The following PDCD6 variants were observed in gnomAD, a reference collection of about 807,000 sequenced individuals.
PDCD6 encodes programmed cell death 6.
Under a neutral mutation model 28.3 loss-of-function variants are expected in PDCD6, and 12 were observed. The ratio of observed to expected loss-of-function variants is 0.42; its 90% CI spans 0.27 to 0.69. PDCD6 has a LOEUF of 0.69. Ranked by LOEUF, PDCD6 falls within the 30% of genes least tolerant of loss-of-function variation. The probability of loss-of-function intolerance (pLI) is 0.22; values close to 1 mark genes in which losing one functional copy is unlikely to be tolerated. For synonymous variants in PDCD6, 92 were observed against 108.0 expected (o/e 0.85, Z 0.92); for missense variants, 226 against 269.9 (o/e 0.84, Z 1.14).
intron 2 of PDCD6, among the ~76,000 whole-genome samples, chr5:279,795 A>AC (rs1391703745): frequency 2.0e-5 from 3 of 148,298 alleles, no homozygotes; most frequent in Non-Finnish European, 2.9e-5. Context: ...AAAAAAAAAA[A>AC]AAAAAAAAAA....
intron 2 of PDCD6, chr5:290,052 G>A: frequency 1.3e-6 from 2 of 1,587,606 alleles, no homozygotes; most frequent in Non-Finnish European, 1.7e-6. Flanking sequence ...TAAATCCAGT[G>A]ACAATTCTCA....
Position 314,565 on chromosome 5 carries a change from A to C in PDCD6, c.*50A>C. On this transcript the variant is annotated 3_prime_UTR_variant, in exon 6 of 6. Transcript: ENST00000264933. Reference sequence around the variant, plus strand: ...ACAACATGGAAAGAGCCAAAATGTCACAGTTCCTATCTGTGAGGGAATGGA... The same window carrying C: ...ACAACATGGAAAGAGCCAAAATGTCCCAGTTCCTATCTGTGAGGGAATGGA... 2.2e-5 allele frequency: 28 copies of C among 1,296,234 alleles called. No individual in the cohort carries two copies. Among genetic ancestry groups the C allele is most frequent in the Middle Eastern group, 1.8e-4 (1 of 5,418 alleles). 80.3% of individuals were successfully genotyped at this position (1,296,234 alleles called of 1,614,324 possible). A position where few individuals can be genotyped will look rare whatever the true frequency, so the allele number is the denominator to read the frequency against.
At chr5:288,054 A>G (rs867479215) in intron 2 of PDCD6, among the ~76,000 whole-genome samples, 1 of 152,142 alleles carries the variant, frequency 6.6e-6, no homozygotes, top group Non-Finnish European at 1.5e-5. Context: ...TCAGAAGTAT[A>G]CAAAAGAATT....
At chr5:292,949 G>A (rs1280346171) in intron 2 of PDCD6, among the ~76,000 whole-genome samples, 3 of 152,212 alleles carry the variant, frequency 2.0e-5, no homozygotes, top group African/African-American at 4.8e-5. Context: ...ACACATCCAC[G>A]TTTGGCTCCC....
chr5:299,830 C>T lies in PDCD6; in HGVS notation c.164-4347C>T, dbSNP rs139049031. On this transcript the variant is annotated intron_variant, in intron 2 of 5. Transcript: ENST00000264933. ...TCCCAAAGTGCTGGGATTACAGGCG[C>T]CAGCCACCGCGCCCAGCTGGTATTT... Among the ~76,000 whole-genome samples, 626 of 152,072 alleles carry T rather than the reference C, an allele frequency of 4.1e-3. 2 individuals are homozygous for T. Among genetic ancestry groups the T allele is most frequent in the African/African-American group, 9.9e-3 (408 of 41,384 alleles).
At chr5:296,364 A>G (rs1739610771) in intron 2 of PDCD6, among the ~76,000 whole-genome samples, 1 of 152,086 alleles carries the variant, frequency 6.6e-6, no homozygotes, top group Admixed American at 6.5e-5. Flanking sequence ...CAGAGGGGTC[A>G]GGGAGCTGTT....
intron 2 of PDCD6, among the ~76,000 whole-genome samples, chr5:286,112 TCC>T (rs1738944603): frequency 7.1e-6 from 1 of 141,804 alleles, no homozygotes; most frequent in African/African-American, 2.8e-5. Context: ...GCTGATGTTC[TCC>T]TTTGAGTGCT....
chr5:288,831 T>C, intron 2 of PDCD6: 1 of 1,382,298 alleles, frequency 7.2e-7, no homozygotes. Flanking sequence ...TGTTTCTAAA[T>C]AGTCTTGTTC....
intron 2 of PDCD6, among the ~76,000 whole-genome samples, chr5:277,993 C>T (rs1475118036): frequency 6.6e-6 from 1 of 151,680 alleles, no homozygotes; most frequent in African/African-American, 2.4e-5. Flanking sequence ...AAACTTTAAT[C>T]TCATACCCAG....
intron 2 of PDCD6, among the ~76,000 whole-genome samples, chr5:282,548 G>C (rs191762412): frequency 2.0e-5 from 3 of 152,150 alleles, no homozygotes; most frequent in African/African-American, 7.2e-5. Flanking sequence ...GGGTCATGCA[G>C]CTGAAGACTC....
chr5:277,774 GA>G (rs1396021795), intron 2 of PDCD6, among the ~76,000 whole-genome samples: 1 of 152,014 alleles, frequency 6.6e-6, no homozygotes, highest in Non-Finnish European at 1.5e-5. Flanking sequence ...AATTAGCCGG[GA>G]ATGGTGGTGC....
chr5:276,730 A>T, intron 2 of PDCD6: 2 of 984,930 alleles, frequency 2.0e-6, no homozygotes, highest in Non-Finnish European at 2.4e-6. Context: ...CTGGTTTCTC[A>T]CTTCAGTTAA....
intron 2 of PDCD6, among the ~76,000 whole-genome samples, chr5:301,337 C>G (rs186707296): frequency 1.3e-5 from 2 of 152,170 alleles, no homozygotes; most frequent in East Asian, 3.9e-4. Context: ...CGGTGAAGAA[C>G]GGGGGAGACC....
intron 2 of PDCD6, among the ~76,000 whole-genome samples, chr5:274,230 C>T (rs1469987508): frequency 2.6e-5 from 4 of 152,228 alleles, no homozygotes; most frequent in African/African-American, 9.6e-5. Flanking sequence ...GAGTGGTTTT[C>T]CAATGAGTGA....
At chr5:271,864 G>A (rs766199603) in intron 1 of PDCD6, 43 bp downstream of exon 1, 2 of 1,180,116 alleles carry the variant, frequency 1.7e-6, no homozygotes, top group Admixed American at 3.7e-5. Context: ...CTCCGCCGCG[G>A]CGGCCCCGAC....
At chr5:308,189 G>C (rs1468483390) in intron 4 of PDCD6, 1 of 152,350 alleles carries the variant, frequency 6.6e-6, no homozygotes, top group East Asian at 1.9e-4. Context: ...GACCTCTGGC[G>C]CCACGGACAT....
rs1574220 is a variant in PDCD6 at position 314,403 on chromosome 5, T to C, written c.478-14T>C. On this transcript the variant is annotated splice_polypyrimidine_tract_variant and intron_variant, in intron 5 of 5. Coordinates refer to ENST00000264933, the MANE Select transcript of PDCD6 (RefSeq NM_013232.4). ...CATTTACTATCGAGATTTAAATGCC[T>C]GTTTTCTCCCCAGAGGTTGACGGAT... 0.096 allele frequency: 152,623 copies of C among 1,594,862 alleles called. 14,831 individuals are homozygous for C. Among genetic ancestry groups the C allele is most frequent in the African/African-American group, 0.52 (38,517 of 74,502 alleles).
At chr5:287,293 G>A (rs10062362) in intron 2 of PDCD6, among the ~76,000 whole-genome samples, 36,537 of 151,960 alleles carry the variant, frequency 0.24, 6,843 homozygotes, top group African/African-American at 0.53. Flanking sequence ...TCTGAAGTTC[G>A]TGGAGCTAAA....
chr5:274,397 C>T (rs1440044687), intron 2 of PDCD6, among the ~76,000 whole-genome samples: 1 of 152,248 alleles, frequency 6.6e-6, no homozygotes, highest in East Asian at 1.9e-4. Context: ...CCCACCTTGG[C>T]AGGCTCCACT....
Sources: allele counts gnomAD v4.1 joint callset (sites outside exome capture counted in the v4.1 genomes callset), GRCh38; gene constraint gnomAD v4.1.1; transcripts MANE v1.5; gene names NCBI Gene and HGNC (gene_info 2026-07-23, HGNC 2026-07-21).